NCOA1: variants seen among roughly 807,000 people sequenced by gnomAD.
The protein encoded by NCOA1 is Hin-2 protein.
In NCOA1, 35 loss-of-function variants were observed where a neutral mutation model predicts 150.9. That is an observed-to-expected ratio of 0.23 (90% confidence interval 0.18 to 0.31). The LOEUF (loss-of-function observed/expected upper bound fraction) is 0.31. NCOA1 is among the 10% of genes least tolerant of loss of function. NCOA1 has a pLI of 1.00. For synonymous variants in NCOA1, 590 were observed against 630.0 expected, an observed-to-expected ratio of 0.94 and a Z score of 0.95; for missense variants, 1,491 against 1,749.3, an observed-to-expected ratio of 0.85 and a Z score of 2.63.
intron 8 of NCOA1, among the ~76,000 whole-genome samples, chr2:24,687,705 C>T (rs917209314): frequency 1.3e-5 from 2 of 152,104 alleles, no homozygotes; most frequent in Admixed American, 6.6e-5. Context: ...CTCACCATCA[C>T]GAGAACAGCA....
intron 20 of NCOA1, among the ~76,000 whole-genome samples, chr2:24,755,709 A>G (rs1664464850): frequency 6.6e-6 from 1 of 152,238 alleles, no homozygotes; most frequent in South Asian, 2.1e-4. Context: ...GGGAGATGCT[A>G]AAATGGAACT....
chr2:24,752,432 G>A (rs1301929335), intron 20 of NCOA1, among the ~76,000 whole-genome samples: 1 of 152,156 alleles, frequency 6.6e-6, no homozygotes, highest in Non-Finnish European at 1.5e-5. Context: ...TTGCATAATG[G>A]AAAGAACTAA....
intron 1 of NCOA1, among the ~76,000 whole-genome samples, chr2:24,552,353 A>ATAT (rs1665887989): frequency 5.2e-5 from 2 of 38,350 alleles, no homozygotes; most frequent in Non-Finnish European, 8.5e-5. Flanking sequence ...ATATATATAT[A>ATAT]TTTTTTTTTT....
At chr2:24,764,177 G>A (rs1004948943) in intron 22 of NCOA1, among the ~76,000 whole-genome samples, 5 of 152,146 alleles carry the variant, frequency 3.3e-5, no homozygotes, top group East Asian at 3.9e-4. Flanking sequence ...AACTGAACAT[G>A]AGGAGGTTTA....
chr2:24,515,826 AAGTT>A (rs1664138609), intron 1 of NCOA1, among the ~76,000 whole-genome samples: 1 of 152,222 alleles, frequency 6.6e-6, no homozygotes, highest in African/African-American at 2.4e-5. Flanking sequence ...GGGCTTCTGA[AAGTT>A]AGTCTAGATT....
intron 4 of NCOA1, among the ~76,000 whole-genome samples, chr2:24,656,285 C>T (rs1670947294): frequency 6.6e-6 from 1 of 152,044 alleles, no homozygotes; most frequent in South Asian, 2.1e-4. Flanking sequence ...GTTTTTCTGG[C>T]CCCAAAGCCC....
chr2:24,660,094 C>T (rs1671113228), intron 5 of NCOA1, among the ~76,000 whole-genome samples: 1 of 152,142 alleles, frequency 6.6e-6, no homozygotes, highest in African/African-American at 2.4e-5. Context: ...GAGACAATAA[C>T]CTGAGTACTC....
At chr2:24,521,996 C>T (rs182627872) in intron 1 of NCOA1, among the ~76,000 whole-genome samples, 22 of 152,228 alleles carry the variant, frequency 1.4e-4, no homozygotes, top group Admixed American at 6.5e-4. Flanking sequence ...CTATTCTCCC[C>T]GCCCCCCATA....
At chr2:24,752,549 C>G (rs1279701737) in intron 20 of NCOA1, among the ~76,000 whole-genome samples, 1 of 152,184 alleles carries the variant, frequency 6.6e-6, no homozygotes, top group Non-Finnish European at 1.5e-5. Context: ...TCTAGGTCCC[C>G]AACCTTTCCA....
intron 22 of NCOA1, among the ~76,000 whole-genome samples, chr2:24,763,380 A>C (rs1307018176): frequency 1.3e-5 from 2 of 151,390 alleles, no homozygotes; most frequent in East Asian, 4.0e-4. Context: ...TCTACTAAAA[A>C]TCCAAAAAAT....
intron 3 of NCOA1, among the ~76,000 whole-genome samples, chr2:24,639,427 C>T (rs1438205754): frequency 1.3e-5 from 2 of 151,828 alleles, no homozygotes; most frequent in African/African-American, 2.4e-5. Flanking sequence ...GTGTTTTTAA[C>T]TTTTTCTTGA....
intron 5 of NCOA1, among the ~76,000 whole-genome samples, chr2:24,660,746 A>T (rs540199426): frequency 1.3e-5 from 2 of 152,102 alleles, no homozygotes; most frequent in Non-Finnish European, 2.9e-5. Context: ...ATCCTCACAC[A>T]TATCTCCTAT....
At chr2:24,574,373 T>C (rs1666863283) in intron 2 of NCOA1, among the ~76,000 whole-genome samples, 1 of 152,092 alleles carries the variant, frequency 6.6e-6, no homozygotes, top group Admixed American at 6.5e-5. Context: ...GAGAACTATT[T>C]TAGAGATTAT....
At chr2:24,521,373 A>G (rs1398247609) in intron 1 of NCOA1, among the ~76,000 whole-genome samples, 1 of 152,184 alleles carries the variant, frequency 6.6e-6, no homozygotes, top group Non-Finnish European at 1.5e-5. Context: ...CCTTTGACTA[A>G]CATCTCCCCA....
chr2:24,769,056 GT>G lies in NCOA1; in HGVS notation c.*668del, dbSNP rs1416365130. 1 of 214,166 alleles carries G rather than the reference GT, an allele frequency of 4.7e-6. No homozygotes were observed. The highest frequency in any genetic ancestry group is 9.4e-6 in the Non-Finnish European group (1 of 105,892). 13.3% of individuals were successfully genotyped at this position (214,166 alleles called of 1,614,324 possible). A position where few individuals can be genotyped will look rare whatever the true frequency, so the allele number is the denominator to read the frequency against. On this transcript the variant is annotated 3_prime_UTR_variant, in exon 23 of 23. Coordinates refer to ENST00000348332, the MANE Select transcript of NCOA1 (RefSeq NM_003743.5). The stretch of plus-strand genomic sequence containing the variant: ...TTCACAGAGGAATCCAAAAAATACA[GT>G]TTGGGGGAAAATGCAATAATTTTTG...
intron 20 of NCOA1, among the ~76,000 whole-genome samples, chr2:24,754,404 A>T (rs937504534): frequency 1.3e-5 from 2 of 152,240 alleles, no homozygotes; most frequent in East Asian, 3.8e-4. Context: ...TCACTCTGCC[A>T]CAATGGCTTC....
intron 1 of NCOA1, among the ~76,000 whole-genome samples, chr2:24,527,278 T>C (rs1291957562): frequency 6.6e-6 from 1 of 152,196 alleles, no homozygotes; most frequent in African/African-American, 2.4e-5. Context: ...ATATCCTACA[T>C]ATCTGCTACT....
At position 24,639,939 on chromosome 2, in the gene NCOA1, T is replaced by TGC. The variant is rs1670122794; in HGVS notation, c.-174-4027_-174-4026insGC. Among the ~76,000 whole-genome samples, 7 of 30,616 alleles carry TGC rather than the reference T, an allele frequency of 2.3e-4. 1 individual carries two copies. Among genetic ancestry groups the TGC allele is most frequent in the Admixed American group, 4.8e-4 (1 of 2,072 alleles). The allele number at this position is 30,616 out of a possible 152,430, so 20.1% of individuals were successfully genotyped here. A position where few individuals can be genotyped will look rare whatever the true frequency, so the allele number is the denominator to read the frequency against. ...GTGTATATATATATATATATATATA[T>TGC]ATATATATATATATATATATATATA... is the stretch of plus-strand genomic sequence containing the variant. On this transcript the variant is annotated intron_variant, in intron 3 of 22. Coordinates refer to ENST00000348332, the MANE Select transcript of NCOA1 (RefSeq NM_003743.5).
intron 21 of NCOA1, among the ~76,000 whole-genome samples, chr2:24,761,794 A>AT (rs1274922749): frequency 6.6e-6 from 1 of 152,194 alleles, no homozygotes; most frequent in Non-Finnish European, 1.5e-5. Context: ...CCAAAGCAGT[A>AT]TTTTTTCTAG....
Sources: gnomAD v4.1 joint callset for allele counts (sites outside exome capture counted in the v4.1 genomes callset) on GRCh38, gnomAD v4.1.1 for gene constraint, MANE v1.5 for transcripts, NCBI Gene and HGNC (gene_info 2026-07-23, HGNC 2026-07-21) for gene names.